ZPBP: variants seen among roughly 807,000 people sequenced by gnomAD.
The protein encoded by ZPBP is zona pellucida binding protein, also known as zona pellucida-binding protein 1.
A neutral mutation model predicts 44.8 loss-of-function variants in ZPBP; 26 were observed. The observed-to-expected ratio is 0.58, with a 90% CI of 0.43 to 0.81. ZPBP has a LOEUF of 0.81. Ranked by LOEUF, ZPBP falls within the 30% of genes least tolerant of loss-of-function variation. The probability of loss-of-function intolerance (pLI) is 0.00; values close to 1 mark genes in which losing one functional copy is unlikely to be tolerated. For missense variants in ZPBP, 409 were observed against 434.0 expected, an observed-to-expected ratio of 0.94 and a Z score of 0.51; for synonymous variants, 174 against 153.2, an observed-to-expected ratio of 1.14 and a Z score of -1.00.
intron 1 of ZPBP, among the ~76,000 whole-genome samples, chr7:49,929,227 A>C (rs1794364103): frequency 6.6e-6 from 1 of 152,236 alleles, no homozygotes; most frequent in Non-Finnish European, 1.5e-5. Flanking sequence ...ATGTGTCCAT[A>C]GTCATGGAAG....
In ZPBP at chr7:50,029,221, C is replaced by A. The variant is rs79444225; in HGVS notation, c.706+1871G>T. Among the ~76,000 whole-genome samples, 310 of 152,246 alleles carry A rather than the reference C, an allele frequency of 2.0e-3. 1 individual carries two copies. Among genetic ancestry groups the A allele is most frequent in the African/African-American group, 7.2e-3 (299 of 41,550 alleles). ...TGACTTTCAACAAGGATGCCAAGAC[C>A]ATTCAGTGTGGAAAAGAATGGTCTC... On this transcript the variant is annotated intron_variant, in intron 5 of 7. Transcript: ENST00000046087.
At chr7:50,007,664 G>T (rs1337793331) in intron 6 of ZPBP, among the ~76,000 whole-genome samples, 3 of 151,944 alleles carry the variant, frequency 2.0e-5, no homozygotes, top group Non-Finnish European at 2.9e-5. Flanking sequence ...CACATTAAAA[G>T]AATGATTGTA....
intron 2 of ZPBP, among the ~76,000 whole-genome samples, chr7:49,886,339 C>A (rs1791903090): frequency 6.6e-6 from 1 of 152,146 alleles, no homozygotes; most frequent in African/African-American, 2.4e-5. Context: ...ATTAGCCTGA[C>A]CTCTACAATA....
chr7:49,940,307 C>A (rs1356100919), intron 7 of ZPBP, among the ~76,000 whole-genome samples: 1 of 151,960 alleles, frequency 6.6e-6, no homozygotes, highest in Non-Finnish European at 1.5e-5. Context: ...GCTATATAAT[C>A]AACAGAAGAA....
chr7:49,964,973 GGC>G (rs1796002638), intron 7 of ZPBP, among the ~76,000 whole-genome samples: 1 of 152,012 alleles, frequency 6.6e-6, no homozygotes, highest in African/African-American at 2.4e-5. Flanking sequence ...GTTCACACAG[GGC>G]TGAGAATAGT....
Position 50,006,625 on chromosome 7 carries a change from C to A in ZPBP, c.783+11615G>T, listed in dbSNP as rs185113841. ...ACAAGGAATAAACATTTCAAATCAACCTACCTTTACAACCTAGAGAATTAG... is the reference window on the plus strand; with the variant it reads ...ACAAGGAATAAACATTTCAAATCAAACTACCTTTACAACCTAGAGAATTAG... On this transcript the variant is annotated intron_variant, in intron 6 of 7. Transcript: ENST00000046087. Among the ~76,000 whole-genome samples, 577 of 152,064 alleles carry A rather than the reference C, an allele frequency of 3.8e-3. 5 individuals are homozygous for A. Among genetic ancestry groups the A allele is most frequent in the Non-Finnish European group, 5.8e-3 (397 of 67,986 alleles).
downstream of ZPBP, among the ~76,000 whole-genome samples, chr7:49,934,641 C>A (rs1273068819): frequency 6.6e-6 from 1 of 151,958 alleles, no homozygotes; most frequent in Non-Finnish European, 1.5e-5. Context: ...CTTATTCAAC[C>A]AATTATATTG....
intron 7 of ZPBP, among the ~76,000 whole-genome samples, chr7:49,978,407 T>TA (rs1796627553): frequency 1.3e-5 from 2 of 152,030 alleles, no homozygotes; most frequent in Non-Finnish European, 2.9e-5. Context: ...TTAAAAGTAC[T>TA]AAATAAGTTA....
intron 2 of ZPBP, among the ~76,000 whole-genome samples, chr7:50,085,963 C>T (rs530776929): frequency 6.6e-5 from 10 of 152,132 alleles, no homozygotes; most frequent in East Asian, 5.8e-4. Flanking sequence ...AGGTTCTGCA[C>T]GGCATAAAGT....
At chr7:49,914,182 C>A (rs1483084768) in intron 1 of ZPBP, 2 of 152,240 alleles carry the variant, frequency 1.3e-5, no homozygotes, top group Non-Finnish European at 2.9e-5. Flanking sequence ...CCATTAGTAA[C>A]CTCTTCTCTC....
intron 1 of ZPBP, among the ~76,000 whole-genome samples, chr7:50,090,493 A>G (rs117389824): frequency 0.033 from 4,694 of 140,976 alleles, 91 homozygotes; most frequent in Middle Eastern, 0.059. Context: ...GTGTGTGTGT[A>G]TATGAGTGTA....
intron 6 of ZPBP, among the ~76,000 whole-genome samples, chr7:49,998,161 C>T (rs1455853749): frequency 2.0e-5 from 3 of 152,160 alleles, no homozygotes; most frequent in Non-Finnish European, 4.4e-5. Context: ...CGTGATCCAC[C>T]CACCTCGGTC....
chr7:49,998,397 C>G (rs190608517), intron 6 of ZPBP, among the ~76,000 whole-genome samples: 2 of 152,150 alleles, frequency 1.3e-5, no homozygotes, highest in Admixed American at 6.5e-5. Context: ...ATACTTGAGC[C>G]GGGAATTCAA....
chr7:49,963,266 A>T (rs936512106), intron 7 of ZPBP, among the ~76,000 whole-genome samples: 2 of 151,676 alleles, frequency 1.3e-5, no homozygotes, highest in Non-Finnish European at 3.0e-5. Context: ...AAAAGCTAGA[A>T]ATCTCATACA....
chr7:49,943,217 C>CT (rs1231079950), intron 7 of ZPBP: 1 of 316,020 alleles, frequency 3.2e-6, no homozygotes, highest in East Asian at 9.2e-5. Flanking sequence ...TCTTTTATGT[C>CT]TTGCTGATAT....
chr7:49,983,589 A>C, intron 6 of ZPBP, 70 bp from the exon 7 acceptor site: 1 of 960,392 alleles, frequency 1.0e-6, no homozygotes, highest in South Asian at 1.5e-5. Flanking sequence ...ATAAGGATGC[A>C]TGTGGATTTA....
intron 1 of ZPBP, among the ~76,000 whole-genome samples, chr7:49,907,278 G>A (rs200131295): frequency 7.4e-4 from 113 of 152,324 alleles, no homozygotes; most frequent in Non-Finnish European, 1.3e-3. Context: ...GAATAGGAAT[G>A]AAGTGGAGAG....
At chr7:50,063,283 T>C (rs1429749291) in intron 3 of ZPBP, among the ~76,000 whole-genome samples, 3 of 152,216 alleles carry the variant, frequency 2.0e-5, no homozygotes, top group African/African-American at 4.8e-5. Flanking sequence ...TATATACAAC[T>C]GAGTTTCTGC....
At chr7:49,945,677 G>A (rs1336187392) in intron 7 of ZPBP, among the ~76,000 whole-genome samples, 1 of 150,952 alleles carries the variant, frequency 6.6e-6, no homozygotes, top group Non-Finnish European at 1.5e-5. Context: ...CTCTTTTCTG[G>A]TTTTGCATGG....
Sources: gnomAD v4.1 joint callset for allele counts (sites outside exome capture counted in the v4.1 genomes callset) on GRCh38, gnomAD v4.1.1 for gene constraint, MANE v1.5 for transcripts, NCBI Gene and HGNC (gene_info 2026-07-23, HGNC 2026-07-21) for gene names.